The following ATRN variants were observed in gnomAD, a reference collection of about 807,000 sequenced individuals.
ATRN encodes attractin-2.
ATRN carries 54 observed loss-of-function variants against 178.7 expected under a neutral mutation model. The observed-to-expected ratio is 0.30, with a 90% CI of 0.24 to 0.38. The LOEUF is 0.38. Among genes scored for constraint, ATRN ranks in the 10% least tolerant of loss-of-function variants. The pLI, the probability that ATRN is intolerant of heterozygous loss-of-function variation, is 1.00. For synonymous variants in ATRN, 636 were observed against 663.0 expected (o/e 0.96, Z 0.63); for missense variants, 1,443 against 1,815.1 (o/e 0.79, Z 3.73).
At chr20:3,505,267 A>G (rs1401047168) in intron 1 of ATRN, among the ~76,000 whole-genome samples, 3 of 152,170 alleles carry the variant, frequency 2.0e-5, no homozygotes, top group African/African-American at 7.2e-5. Flanking sequence ...CTCCTTGGAA[A>G]TCGGAACTCC....
intron 13 of ATRN, 104 bp downstream of exon 13, chr20:3,576,052 AT>A: frequency 1.6e-6 from 2 of 1,287,166 alleles, no homozygotes; most frequent in Non-Finnish European, 2.0e-6. Flanking sequence ...TACTTTTCAA[AT>A]GGGTTTCTAT....
At chr20:3,514,817 C>T (rs1252889729) in intron 1 of ATRN, among the ~76,000 whole-genome samples, 1 of 151,916 alleles carries the variant, frequency 6.6e-6, no homozygotes, top group Non-Finnish European at 1.5e-5. Flanking sequence ...ATTATCCAGG[C>T]ATGGTGGTGT....
rs989987482 is a variant in ATRN, at chr20:3,632,659, C to T, written c.3864-1652C>T. 2.6e-5 allele frequency among the ~76,000 whole-genome samples: 4 copies of T among 152,212 alleles called. No homozygotes were observed. Among genetic ancestry groups the T allele is most frequent in the African/African-American group, 7.2e-5 (3 of 41,448 alleles). On this transcript the variant is annotated intron_variant, in intron 25 of 28. Coordinates refer to ENST00000262919, the MANE Select transcript of ATRN (RefSeq NM_139321.3). This position sits in a 1 kb window ranked among gnomAD's most constrained non-coding sequence, Gnocchi z 4.2. ...GTGGAGTGCCACTGGTACTCCTGAA[C>T]CCCTTGCTCTTAGCATCTTTTTATT...
chr20:3,587,932 G>T (rs1389615989), intron 18 of ATRN, among the ~76,000 whole-genome samples: 1 of 152,104 alleles, frequency 6.6e-6, no homozygotes, highest in Non-Finnish European at 1.5e-5. Context: ...TGCAGCCTCC[G>T]CTTTCCCAGG....
chr20:3,489,311 T>G (rs937300844), intron 1 of ATRN, among the ~76,000 whole-genome samples: 4 of 152,140 alleles, frequency 2.6e-5, no homozygotes, highest in Admixed American at 2.0e-4. Flanking sequence ...TTGAACAAGG[T>G]CTGGTTTTAT....
At position 3,471,034 on chromosome 20, in the gene ATRN, C is replaced by G. The variant is rs2084408580; in HGVS notation, c.-74C>G. On this transcript the variant is annotated 5_prime_UTR_variant, in exon 1 of 29. Transcript: ENST00000262919. ...ACCGTCCGCACAGCCCCGCCCCGCA[C>G]GGCCAGGCGAAGCGGAGCCGGCCGT... is the stretch of plus-strand genomic sequence containing the variant. The G allele has an allele frequency of 2.0e-5, 28 of 1,410,494 alleles. No individual in the cohort carries two copies. Among genetic ancestry groups the G allele is most frequent in the Admixed American group, 2.9e-5 (1 of 34,804 alleles). The allele number at this position is 1,410,494 out of a possible 1,614,324, so 87.4% of individuals were successfully genotyped here.
At chr20:3,529,014 A>G (rs971440672) in intron 1 of ATRN, among the ~76,000 whole-genome samples, 2 of 151,874 alleles carry the variant, frequency 1.3e-5, no homozygotes, top group African/African-American at 4.8e-5. Context: ...AGGTTTCACT[A>G]TGTTGCTTAG....
chr20:3,559,140 A>G (rs2085918047), intron 6 of ATRN, among the ~76,000 whole-genome samples: 1 of 152,202 alleles, frequency 6.6e-6, no homozygotes, highest in African/African-American at 2.4e-5. Flanking sequence ...AGAGGTTTTC[A>G]GGAAGTGTTA....
chr20:3,630,493 A>G (rs1196179813), intron 25 of ATRN, among the ~76,000 whole-genome samples: 3 of 152,294 alleles, frequency 2.0e-5, no homozygotes, highest in East Asian at 3.9e-4. Context: ...GCTTGTGTCA[A>G]TGGCTTGCTT....
chr20:3,590,496 T>G (rs1331290057), intron 18 of ATRN, among the ~76,000 whole-genome samples: 1 of 152,190 alleles, frequency 6.6e-6, no homozygotes, highest in Non-Finnish European at 1.5e-5. Flanking sequence ...AGGTCCAAGC[T>G]TCATATACCT....
intron 25 of ATRN, among the ~76,000 whole-genome samples, chr20:3,627,007 G>A (rs1045892563): frequency 2.0e-5 from 3 of 151,910 alleles, no homozygotes; most frequent in Non-Finnish European, 2.9e-5. Flanking sequence ...GGCTGGTCTC[G>A]AACTCCTGAC....
Position 3,471,468 on chromosome 20 carries a change from C to A in ATRN, c.361C>A (p.Pro121Thr), listed in dbSNP as rs780304412. Reference protein sequence around the residue: ...CNPGTGQCVCPAGWVGEQCQH... With the variant: ...CNPGTGQCVCTAGWVGEQCQH... ...CCCTGGCACCGGCCAGTGCGTCTGCCCCGCCGGCTGGGTGGGCGAGCAATG... is the reference window on the plus strand; with the variant it reads ...CCCTGGCACCGGCCAGTGCGTCTGCACCGCCGGCTGGGTGGGCGAGCAATG... The change falls in exon 1 of 29, where the codon CCC becomes ACC. Residue 121 changes from proline (P) to threonine (T), a missense_variant. Coordinates refer to ENST00000262919, the MANE Select transcript of ATRN (RefSeq NM_139321.3). The A allele has an allele frequency of 1.1e-5, 16 of 1,415,078 alleles. 1 individual carries two copies. In the East Asian group the frequency reaches 4.5e-4, roughly 39 times the overall value. 87.7% of individuals were successfully genotyped at this position (1,415,078 alleles called of 1,614,324 possible).
intron 22 of ATRN, among the ~76,000 whole-genome samples, chr20:3,598,939 A>G (rs1201828958): frequency 6.6e-6 from 1 of 152,226 alleles, no homozygotes; most frequent in Non-Finnish European, 1.5e-5. Context: ...TTGTTAACAA[A>G]TGTTATCTAT....
chr20:3,480,314 T>C (rs961491071), intron 1 of ATRN, among the ~76,000 whole-genome samples: 2 of 152,132 alleles, frequency 1.3e-5, no homozygotes, highest in African/African-American at 2.4e-5. Flanking sequence ...TCTGTGGGCG[T>C]TTAGAAGGAC....
intron 1 of ATRN, chr20:3,490,142 C>T: frequency 6.7e-7 from 1 of 1,490,636 alleles, no homozygotes; most frequent in East Asian, 2.3e-5. Context: ...CAAGTGACTC[C>T]AGGGACTTTC....
intron 6 of ATRN, among the ~76,000 whole-genome samples, chr20:3,554,050 A>G (rs745720955): frequency 1.4e-4 from 22 of 152,286 alleles, no homozygotes; most frequent in Non-Finnish European, 3.1e-4. Flanking sequence ...GGGGGAGTAA[A>G]TGATTTATTT....
chr20:3,546,106 GATTGTCAA>G (rs765903371), intron 4 of ATRN, among the ~76,000 whole-genome samples: 10 of 152,180 alleles, frequency 6.6e-5, no homozygotes, highest in Non-Finnish European at 1.5e-4. Context: ...AAGGTTAGTA[GATTGTCAA>G]AGTAACTGGT....
At chr20:3,594,212 T>C (rs765902374) in intron 19 of ATRN, among the ~76,000 whole-genome samples, 2 of 152,184 alleles carry the variant, frequency 1.3e-5, no homozygotes, top group South Asian at 2.1e-4. Flanking sequence ...GAGAGTCTAT[T>C]GAAAAGATCA....
At chr20:3,581,070 C>T (rs1425590527) in intron 15 of ATRN, among the ~76,000 whole-genome samples, 2 of 151,848 alleles carry the variant, frequency 1.3e-5, no homozygotes, top group East Asian at 1.9e-4. Flanking sequence ...AGGGAGACCT[C>T]GTCTCTACAA....
Sources: gnomAD v4.1 joint callset for allele counts (sites outside exome capture counted in the v4.1 genomes callset) on GRCh38, gnomAD v4.1.1 for gene constraint, Gnocchi (gnomAD v3.1) non-coding constraint, MANE v1.5 for transcripts, NCBI Gene and HGNC (gene_info 2026-07-23, HGNC 2026-07-21) for gene names.